The following SOX5 variants were observed in gnomAD, a reference collection of about 807,000 sequenced individuals.
SOX5 encodes the protein transcription factor SOX-5.
SOX5 carries 9 observed loss-of-function variants against 92.0 expected under a neutral mutation model. The ratio of observed to expected loss-of-function variants is 0.10; its 90% CI spans 0.06 to 0.17. The LOEUF is 0.17. Ranked by LOEUF, SOX5 falls within the 10% of genes least tolerant of loss-of-function variation. The pLI, the probability that SOX5 is intolerant of heterozygous loss-of-function variation, is 1.00. For missense variants in SOX5, 642 were observed against 944.5 expected, an observed-to-expected ratio of 0.68 and a Z score of 4.20; for synonymous variants, 344 against 336.3, an observed-to-expected ratio of 1.02 and a Z score of -0.25.
chr12:24,011,160 G>A lies in SOX5; in HGVS notation c.-1-115136C>T, dbSNP rs144617159. Among the ~76,000 whole-genome samples, 207 of 152,114 alleles carry A rather than the reference G, an allele frequency of 1.4e-3. 2 individuals carry two copies. The highest frequency in any genetic ancestry group is 2.4e-3 in the Admixed American group (36 of 15,280). On this transcript the variant is annotated intron_variant, in intron 4 of 4. Coordinates refer to the SOX5 transcript ENST00000446891. ...AGAAAATTGCTTGTAATACAGCAGG[G>A]CTACTTACATATAGGCAGAATTGCT...
intron 1 of SOX5, among the ~76,000 whole-genome samples, chr12:24,559,726 G>A (rs1309141395): frequency 1.3e-5 from 2 of 152,108 alleles, no homozygotes; most frequent in Non-Finnish European, 2.9e-5. Flanking sequence ...ACATACCTGA[G>A]TATAAACTTC....
At chr12:23,774,981 G>C (rs1295025111) in intron 3 of SOX5, among the ~76,000 whole-genome samples, 1 of 152,058 alleles carries the variant, frequency 6.6e-6, no homozygotes, top group African/African-American at 2.4e-5. Context: ...CCTTTTGTAT[G>C]TATGCAAAAT....
At chr12:23,950,586 AGACG>A (rs1323792402), upstream of SOX5, among the ~76,000 whole-genome samples, 1 of 152,194 alleles carries the variant, frequency 6.6e-6, no homozygotes, top group Admixed American at 6.5e-5. Context: ...AAAAACAAAA[AGACG>A]GTACTAACAA....
At chr12:24,345,291 T>C (rs905065308) in intron 2 of SOX5, among the ~76,000 whole-genome samples, 1 of 152,234 alleles carries the variant, frequency 6.6e-6, no homozygotes, top group African/African-American at 2.4e-5. Flanking sequence ...TACTAAAAGT[T>C]CCCAGGCATT....
chr12:24,467,131 A>G (rs537555523), intron 1 of SOX5, among the ~76,000 whole-genome samples: 2 of 152,342 alleles, frequency 1.3e-5, no homozygotes, highest in Non-Finnish European at 2.9e-5. Context: ...TTAAGGTCTG[A>G]CAGTAAATCA....
At chr12:23,949,766 G>GTCTCTCTCTC (rs143438082), upstream of SOX5, 888 of 472,502 alleles carry the variant, frequency 1.9e-3, 2 homozygotes, top group Non-Finnish European at 2.5e-3. Flanking sequence ...CTCTCTCTCT[G>GTCTCTCTCTC]TCTCTCTCTC....
At chr12:23,887,908 A>AGTGTGTGT (rs1169542903) in intron 2 of SOX5, among the ~76,000 whole-genome samples, 1,966 of 105,888 alleles carry the variant, frequency 0.019, 22 homozygotes, top group South Asian at 0.048. Flanking sequence ...TAATTGGTCC[A>AGTGTGTGT]GTGTGTATAT....
intron 3 of SOX5, among the ~76,000 whole-genome samples, chr12:23,813,083 C>T (rs2095907663): frequency 6.6e-6 from 1 of 152,026 alleles, no homozygotes; most frequent in Non-Finnish European, 1.5e-5. Flanking sequence ...AAATCTTTGG[C>T]TTTTTTGCCT....
chr12:24,545,317 GAC>G (rs930223714), intron 1 of SOX5, among the ~76,000 whole-genome samples: 1 of 152,080 alleles, frequency 6.6e-6, no homozygotes. Context: ...CTAATAAACT[GAC>G]ATGGGGGCCC....
At chr12:24,012,870 CCTAAAT>C (rs1953118139) in intron 4 of SOX5, among the ~76,000 whole-genome samples, 1 of 152,086 alleles carries the variant, frequency 6.6e-6, no homozygotes, top group South Asian at 2.1e-4. Flanking sequence ...CCAAACACTT[CCTAAAT>C]CTATTCAGTA....
chr12:23,757,767 T>C (rs1330511503), intron 3 of SOX5, among the ~76,000 whole-genome samples: 3 of 151,890 alleles, frequency 2.0e-5, no homozygotes, highest in Non-Finnish European at 4.4e-5. Context: ...CATTTTACTT[T>C]TAAGGCTATT....
chr12:24,197,261 C>T (rs1957091954), intron 4 of SOX5, among the ~76,000 whole-genome samples: 1 of 152,074 alleles, frequency 6.6e-6, no homozygotes, highest in Non-Finnish European at 1.5e-5. Flanking sequence ...GCTGAAGACT[C>T]TATATAAAAT....
intron 7 of SOX5, among the ~76,000 whole-genome samples, chr12:23,650,394 C>T (rs180799789): frequency 2.3e-4 from 35 of 152,210 alleles, no homozygotes; most frequent in East Asian, 1.9e-3. Flanking sequence ...TTCAGTGCAA[C>T]GAGCATTGCT....
intron 4 of SOX5, among the ~76,000 whole-genome samples, chr12:24,015,729 T>C (rs182941667): frequency 6.6e-6 from 1 of 152,242 alleles, no homozygotes; most frequent in Non-Finnish European, 1.5e-5. Flanking sequence ...TAATCACACG[T>C]ATCTTTCTGA....
intron 6 of SOX5, among the ~76,000 whole-genome samples, chr12:23,670,878 A>T (rs2084669979): frequency 6.6e-6 from 1 of 152,304 alleles, no homozygotes; most frequent in South Asian, 2.1e-4. Flanking sequence ...TTGTAATATT[A>T]TCAGATCTCC....
intron 2 of SOX5, among the ~76,000 whole-genome samples, chr12:23,862,733 A>G (rs923325065): frequency 1.7e-4 from 26 of 152,188 alleles, no homozygotes; most frequent in Admixed American, 1.6e-3. Flanking sequence ...ACTTTGTAAT[A>G]GGTTCTTACT....
At chr12:23,904,769 T>C (rs1411915930) in intron 1 of SOX5, among the ~76,000 whole-genome samples, 1 of 152,186 alleles carries the variant, frequency 6.6e-6, no homozygotes, top group African/African-American at 2.4e-5. Context: ...AGATGTTCTC[T>C]GCATTGAGAT....
chr12:24,315,051 T>C (rs1565888251), intron 2 of SOX5, among the ~76,000 whole-genome samples: 1 of 152,230 alleles, frequency 6.6e-6, no homozygotes, highest in Non-Finnish European at 1.5e-5. Flanking sequence ...TGAAATACTT[T>C]AGCAAGGAAC....
At chr12:24,311,304 G>A (rs1205426118) in intron 2 of SOX5, among the ~76,000 whole-genome samples, 1 of 152,104 alleles carries the variant, frequency 6.6e-6, no homozygotes, top group African/African-American at 2.4e-5. Context: ...TAAAAATATA[G>A]TTTTTCCTGG....
Sources: allele counts gnomAD v4.1 joint callset (sites outside exome capture counted in the v4.1 genomes callset), GRCh38; gene constraint gnomAD v4.1.1; transcripts MANE v1.5; gene names NCBI Gene and HGNC (gene_info 2026-07-23, HGNC 2026-07-21).